The following PTPRD variants were observed in gnomAD, a reference collection of about 807,000 sequenced individuals.
PTPRD encodes protein tyrosine phosphatase receptor type D, also known as receptor-type tyrosine-protein phosphatase delta.
A neutral mutation model predicts 214.5 loss-of-function variants in PTPRD; 34 were observed. That is an observed-to-expected ratio of 0.16 (90% CI 0.12 to 0.21). The LOEUF is 0.21. Among genes scored for constraint, PTPRD ranks in the 10% least tolerant of loss-of-function variants. The probability of loss-of-function intolerance (pLI) is 1.00; values close to 1 mark genes in which losing one functional copy is unlikely to be tolerated. For missense variants in PTPRD, 2,545 were observed against 2,398.7 expected (o/e 1.06, Z -1.27); for synonymous variants, 1,128 against 845.7 (o/e 1.33, Z -5.79).
chr9:9,624,736 G>A (rs1185007555), intron 7 of PTPRD, among the ~76,000 whole-genome samples: 1 of 151,862 alleles, frequency 6.6e-6, no homozygotes, highest in Non-Finnish European at 1.5e-5. Flanking sequence ...TCAAACAGAT[G>A]CAGATCTGGG....
intron 3 of PTPRD, among the ~76,000 whole-genome samples, chr9:10,068,168 G>A (rs2097918261): frequency 6.6e-6 from 1 of 151,836 alleles, no homozygotes; most frequent in Non-Finnish European, 1.5e-5. Flanking sequence ...AAAGACAACT[G>A]GTTGCAGGAG....
chr9:9,623,941 G>T (rs182058232), intron 7 of PTPRD, among the ~76,000 whole-genome samples: 7 of 152,242 alleles, frequency 4.6e-5, no homozygotes, highest in Non-Finnish European at 1.0e-4. Flanking sequence ...GTCAGTGAAA[G>T]TTCAAAACTG....
chr9:8,546,504 C>CA (rs1554759885), intron 14 of PTPRD, among the ~76,000 whole-genome samples: 3 of 147,650 alleles, frequency 2.0e-5, no homozygotes, highest in African/African-American at 7.4e-5. Context: ...TTTTCTTTTT[C>CA]TTTTTTTTTT....
intron 2 of PTPRD, among the ~76,000 whole-genome samples, chr9:10,501,756 T>C (rs1158878951): frequency 6.6e-6 from 1 of 152,056 alleles, no homozygotes; most frequent in Non-Finnish European, 1.5e-5. Context: ...ACTTTAAGTA[T>C]TAATCGTCTC....
intron 3 of PTPRD, among the ~76,000 whole-genome samples, chr9:10,106,306 G>T (rs1336895156): frequency 6.6e-6 from 1 of 151,706 alleles, no homozygotes. Context: ...TTAATTTTTT[G>T]ATCGATTCTT....
Position 8,414,930 on chromosome 9 carries a change from G to GAGAGA in PTPRD, c.4087-10271_4087-10270insTCTCT, listed in dbSNP as rs2093802531. ...GAGGGAGGGGGAGAGAGAGGGAGGG[G>GAGAGA]GAGAGAGAGAGAGAGAGAGAGAGAG... On this transcript the variant is annotated intron_variant, in intron 35 of 45. Coordinates refer to ENST00000381196, the MANE Select transcript of PTPRD (RefSeq NM_002839.4). 1.2e-3 allele frequency among the ~76,000 whole-genome samples: 58 copies of GAGAGA among 49,262 alleles called. 2 individuals carry two copies. Among genetic ancestry groups the GAGAGA allele is most frequent in the African/African-American group, 4.4e-3 (56 of 12,872 alleles). The allele number at this position is 49,262 out of a possible 152,430, so 32.3% of individuals were successfully genotyped here.
intron 14 of PTPRD, among the ~76,000 whole-genome samples, chr9:8,619,267 C>T (rs1564761270): frequency 1.3e-5 from 2 of 151,958 alleles, no homozygotes. Flanking sequence ...GAACTATAGT[C>T]ACCATGTTCT....
intron 7 of PTPRD, among the ~76,000 whole-genome samples, chr9:9,706,151 C>T (rs2097600180): frequency 6.6e-6 from 1 of 151,938 alleles, no homozygotes; most frequent in Admixed American, 6.6e-5. Flanking sequence ...AACTAATTAC[C>T]ACAGTTTGTT....
chr9:9,288,545 A>G (rs942724373), intron 9 of PTPRD, among the ~76,000 whole-genome samples: 9 of 151,946 alleles, frequency 5.9e-5, no homozygotes, highest in African/African-American at 2.2e-4. Flanking sequence ...TTAAAAACAG[A>G]AAATTATTAA....
intron 9 of PTPRD, among the ~76,000 whole-genome samples, chr9:9,326,771 A>T (rs2040116055): frequency 6.6e-6 from 1 of 152,022 alleles, no homozygotes; most frequent in Admixed American, 6.6e-5. Flanking sequence ...CACAAGATAG[A>T]GGGGAAAAAA....
At chr9:8,588,460 T>C (rs968757237) in intron 14 of PTPRD, among the ~76,000 whole-genome samples, 2 of 152,164 alleles carry the variant, frequency 1.3e-5, no homozygotes, top group African/African-American at 4.8e-5. Flanking sequence ...CAACAGTGGA[T>C]AGGGAATGAA....
chr9:9,134,386 T>C (rs1435335569), intron 10 of PTPRD, among the ~76,000 whole-genome samples: 1 of 152,138 alleles, frequency 6.6e-6, no homozygotes, highest in East Asian at 1.9e-4. Flanking sequence ...CATTCTTGAC[T>C]CTCTTTTCCT....
At chr9:8,487,650 A>G (rs1254647662) in intron 27 of PTPRD, among the ~76,000 whole-genome samples, 2 of 152,130 alleles carry the variant, frequency 1.3e-5, no homozygotes, top group Non-Finnish European at 2.9e-5. Context: ...GTCTCTACAA[A>G]AAACACAAAA....
chr9:8,939,990 G>C (rs1415627883), intron 11 of PTPRD, among the ~76,000 whole-genome samples: 1 of 150,370 alleles, frequency 6.7e-6, no homozygotes, highest in African/African-American at 2.4e-5. Context: ...GAGTAGCAAG[G>C]AATAAAATTA....
chr9:8,631,925 T>G (rs1316416010), intron 14 of PTPRD, among the ~76,000 whole-genome samples: 1 of 152,052 alleles, frequency 6.6e-6, no homozygotes, highest in Admixed American at 6.6e-5. Flanking sequence ...CCAACCTAGC[T>G]TGTCATAACA....
chr9:10,592,709 C>A (rs576913202), intron 2 of PTPRD, among the ~76,000 whole-genome samples: 2 of 152,050 alleles, frequency 1.3e-5, no homozygotes, highest in South Asian at 4.1e-4. Flanking sequence ...TAAAAACGCA[C>A]CAATCAGCGC....
At chr9:10,476,251 A>G (rs1225761436) in intron 2 of PTPRD, among the ~76,000 whole-genome samples, 1 of 152,204 alleles carries the variant, frequency 6.6e-6, no homozygotes, top group Admixed American at 6.5e-5. Context: ...TCTCAGCCCA[A>G]AAACTCCTTA....
intron 5 of PTPRD, among the ~76,000 whole-genome samples, chr9:9,864,997 T>G (rs1222163675): frequency 6.6e-6 from 1 of 152,002 alleles, no homozygotes; most frequent in South Asian, 2.1e-4. Flanking sequence ...AGATTATCTC[T>G]ATATTAAAAC....
intron 45 of PTPRD, among the ~76,000 whole-genome samples, chr9:8,318,647 G>C (rs1407012810): frequency 6.6e-6 from 1 of 151,980 alleles, no homozygotes; most frequent in African/African-American, 2.4e-5. Context: ...CACAGGACTG[G>C]CTGCCCACAT....
Sources: gnomAD v4.1 joint callset for allele counts (sites outside exome capture counted in the v4.1 genomes callset) on GRCh38, gnomAD v4.1.1 for gene constraint, MANE v1.5 for transcripts, NCBI Gene and HGNC (gene_info 2026-07-23, HGNC 2026-07-21) for gene names.